The following PRKCQ variants were observed in gnomAD, a reference collection of about 807,000 sequenced individuals.
PRKCQ encodes the protein protein kinase C theta, also known as protein kinase C theta type.
In PRKCQ, 41 loss-of-function variants were observed where a neutral mutation model predicts 91.2. The observed-to-expected ratio is 0.45, with a 90% CI of 0.35 to 0.58. The LOEUF (loss-of-function observed/expected upper bound fraction) is 0.58. Among genes scored for constraint, PRKCQ ranks in the 20% least tolerant of loss-of-function variants. The probability of loss-of-function intolerance (pLI) is 0.00; values close to 1 mark genes in which losing one functional copy is unlikely to be tolerated. For synonymous variants in PRKCQ, 307 were observed against 316.9 expected, an observed-to-expected ratio of 0.97 and a Z score of 0.33; for missense variants, 673 against 896.5, an observed-to-expected ratio of 0.75 and a Z score of 3.18.
chr10:6,531,850 T>C (rs893545553), intron 1 of PRKCQ, among the ~76,000 whole-genome samples: 2 of 152,234 alleles, frequency 1.3e-5, no homozygotes, highest in Non-Finnish European at 1.5e-5. Flanking sequence ...AGTGCCCTTA[T>C]TGATCTCGTG....
chr10:6,395,152 C>T, the PRKCQ span, among the ~76,000 whole-genome samples: 4 of 151,432 alleles, frequency 2.6e-5, no homozygotes, highest in Non-Finnish European at 4.4e-5. Context: ...CAAGCTCCGC[C>T]TCCCGGGTTC....
chr10:6,400,002 G>A, the PRKCQ span, among the ~76,000 whole-genome samples: 1 of 152,152 alleles, frequency 6.6e-6, no homozygotes, highest in Non-Finnish European at 1.5e-5. Flanking sequence ...TGCCACTGAT[G>A]GATTTGAATG....
intron 1 of PRKCQ, among the ~76,000 whole-genome samples, chr10:6,571,692 G>C (rs189997449): frequency 6.6e-6 from 1 of 152,156 alleles, no homozygotes; most frequent in Admixed American, 6.5e-5. Context: ...TGTAGTCCTA[G>C]CTACTCTCGA....
chr10:6,508,482 G>A (rs1838308975), intron 3 of PRKCQ, among the ~76,000 whole-genome samples: 1 of 152,212 alleles, frequency 6.6e-6, no homozygotes, highest in African/African-American at 2.4e-5. Context: ...CTGAAAAACA[G>A]ACATAATAGC....
chr10:6,531,520 C>T (rs1013829334), intron 1 of PRKCQ, among the ~76,000 whole-genome samples: 2 of 151,522 alleles, frequency 1.3e-5, no homozygotes, highest in African/African-American at 4.9e-5. Flanking sequence ...CTGAGAAACC[C>T]TGTTCTAAAT....
chr10:6,574,442 C>T (rs1271445244), intron 1 of PRKCQ, among the ~76,000 whole-genome samples: 1 of 152,172 alleles, frequency 6.6e-6, no homozygotes, highest in Non-Finnish European at 1.5e-5. Context: ...TACCTGTTAC[C>T]CAAGCTTAGT....
intron 16 of PRKCQ, among the ~76,000 whole-genome samples, chr10:6,438,803 C>T (rs941543818): frequency 6.6e-6 from 1 of 152,044 alleles, no homozygotes; most frequent in South Asian, 2.1e-4. Context: ...GCTATGTTGC[C>T]CAGGCTGGTC....
At chr10:6,491,219 A>C (rs372837538) in intron 8 of PRKCQ, among the ~76,000 whole-genome samples, 7 of 152,308 alleles carry the variant, frequency 4.6e-5, no homozygotes, top group Admixed American at 3.3e-4. Context: ...GTGTCAGCCA[A>C]ATGAATGTGC....
At chr10:6,441,314 G>T (rs1833960352) in intron 16 of PRKCQ, among the ~76,000 whole-genome samples, 1 of 152,066 alleles carries the variant, frequency 6.6e-6, no homozygotes, top group South Asian at 2.1e-4. Context: ...GGCTAATTTT[G>T]TATTTTCAGT....
chr10:6,579,750 C>T (rs987578360), intron 1 of PRKCQ, among the ~76,000 whole-genome samples: 1 of 151,636 alleles, frequency 6.6e-6, no homozygotes, highest in South Asian at 2.1e-4. Context: ...AATGGCACCC[C>T]CGTCCGTGCT....
chr10:6,441,955 G>C lies in PRKCQ; in HGVS notation c.1774C>G (p.Arg592Gly), dbSNP rs764851728. The C allele has an allele frequency of 1.9e-6, 3 of 1,614,034 alleles. No individual in the cohort carries two copies. The highest frequency in any genetic ancestry group is 3.3e-5 in the Admixed American group (2 of 60,002). ...CGTGGGTAAAAGGGATTGTCCATGC[G>C]GATGGAGTGGAAGAGCTCCTCCTCA... ...QDEEELFHSI[R>G]MDNPFYPRWL... The change falls in exon 16 of 18, where the codon CGC becomes GGC. Residue 592 changes from arginine (R) to glycine (G), a missense_variant. Physicochemically the swap from Arg to Gly is moderately radical, Grantham distance 125. Transcript: ENST00000263125.
chr10:6,570,330 C>A (rs1840994137), intron 1 of PRKCQ, among the ~76,000 whole-genome samples: 1 of 151,948 alleles, frequency 6.6e-6, no homozygotes, highest in Non-Finnish European at 1.5e-5. Context: ...AGAAGCAAGA[C>A]AAGGAAGTAG....
the PRKCQ span, among the ~76,000 whole-genome samples, chr10:6,406,826 T>C: frequency 6.6e-6 from 1 of 152,176 alleles, no homozygotes; most frequent in African/African-American, 2.4e-5. Flanking sequence ...TTTTAAACGA[T>C]ACTTTTCAGC....
chr10:6,527,006 G>A (rs1324134376), intron 1 of PRKCQ, among the ~76,000 whole-genome samples: 1 of 152,200 alleles, frequency 6.6e-6, no homozygotes, highest in Non-Finnish European at 1.5e-5. Context: ...TGAAGATGAG[G>A]GGAGGGAAAA....
At chr10:6,511,280 C>G (rs964258992) in intron 2 of PRKCQ, 86 bp from the exon 3 acceptor site, 174 of 1,230,722 alleles carry the variant, frequency 1.4e-4, no homozygotes, top group Non-Finnish European at 2.0e-4. Context: ...CACCTGCTCC[C>G]TCTGTTCTCT....
chr10:6,552,944 A>G (rs912652359), intron 1 of PRKCQ, among the ~76,000 whole-genome samples: 11 of 152,204 alleles, frequency 7.2e-5, no homozygotes, highest in Non-Finnish European at 1.3e-4. Context: ...ACGTGAAGAC[A>G]ACATATTTTA....
Position 6,515,132 on chromosome 10 carries a change from A to G in PRKCQ, c.4T>C (p.Ser2Pro). MSPFLRIGLSNF... is the reference protein window; with the variant it reads MPPFLRIGLSNF... ...GACAAGCCAATCCGAAGAAATGGCG[A>G]CATGGTTGCGCCCTGGAAAAAGACA... is the stretch of plus-strand genomic sequence containing the variant. The change falls in exon 2 of 18, where the codon TCG becomes CCG. Residue 2 changes from serine (S) to proline (P), a missense_variant. Coordinates refer to ENST00000263125, the MANE Select transcript of PRKCQ (RefSeq NM_006257.5). 6.2e-7 allele frequency: 1 copy of G among 1,613,596 alleles called. No individual in the cohort carries two copies. The highest frequency in any genetic ancestry group is 8.5e-7 in the Non-Finnish European group (1 of 1,179,882).
intron 1 of PRKCQ, among the ~76,000 whole-genome samples, chr10:6,546,330 C>T (rs543689664): frequency 2.6e-5 from 4 of 152,124 alleles, no homozygotes; most frequent in Non-Finnish European, 5.9e-5. Flanking sequence ...ACTCCACACA[C>T]CATCCAGGTT....
chr10:6,556,945 C>G (rs1044871620), intron 1 of PRKCQ, among the ~76,000 whole-genome samples: 2 of 152,170 alleles, frequency 1.3e-5, no homozygotes, highest in African/African-American at 4.8e-5. Flanking sequence ...CAACTTATCC[C>G]AGTCTCCATC....
Sources: gnomAD v4.1 joint callset for allele counts (sites outside exome capture counted in the v4.1 genomes callset) on GRCh38, gnomAD v4.1.1 for gene constraint, MANE v1.5 for transcripts, NCBI Gene and HGNC (gene_info 2026-07-23, HGNC 2026-07-21) for gene names.